PPARG: variants seen among roughly 807,000 people sequenced by gnomAD.
The protein encoded by PPARG is peroxisome proliferator activated receptor gamma.
PPARG carries 17 observed loss-of-function variants against 39.2 expected under a neutral mutation model. That is an observed-to-expected ratio of 0.43 (90% CI 0.30 to 0.65). PPARG has a LOEUF of 0.65. PPARG is among the 30% of genes least tolerant of loss of function. The pLI, the probability that PPARG is intolerant of heterozygous loss-of-function variation, is 0.13. For missense variants in PPARG, 406 were observed against 585.9 expected (o/e 0.69, Z 3.17); for synonymous variants, 223 against 215.7 (o/e 1.03, Z -0.30).
chr3:12,290,036 C>T (rs1158098231), intron 1 of PPARG, among the ~76,000 whole-genome samples: 1 of 152,070 alleles, frequency 6.6e-6, no homozygotes, highest in Non-Finnish European at 1.5e-5. Flanking sequence ...TTCTTGTGTA[C>T]TTCACATAAT....
At chr3:12,299,652 A>C (rs1471339256) in intron 1 of PPARG, among the ~76,000 whole-genome samples, 1 of 152,188 alleles carries the variant, frequency 6.6e-6, no homozygotes, top group African/African-American at 2.4e-5. Flanking sequence ...TTATTTTTAT[A>C]ATGTTTTCAC....
At chr3:12,417,492 G>T (rs1263511817) in intron 7 of PPARG, among the ~76,000 whole-genome samples, 2 of 151,816 alleles carry the variant, frequency 1.3e-5, no homozygotes, top group African/African-American at 4.8e-5. Context: ...TCTAATCTTT[G>T]GTTCCTGTAA....
At position 12,434,097 on chromosome 3, in the gene PPARG, C is replaced by T. The variant is rs1448331661; in HGVS notation, c.1380C>T (p.Asp460=). ...LLQVIKKTET[D]MSLHPLLQEI... ...AGGTGATCAAGAAGACGGAGACAGA[C>T]ATGAGTCTTCACCCGCTCCTGCAGG... Residue 460 remains aspartate (D), a synonymous_variant, in exon 8 of 8, where the codon GAC becomes GAT. Coordinates refer to ENST00000651735, the MANE Select transcript of PPARG (RefSeq NM_138711.6). The surrounding 1 kb of genome is among the most constrained non-coding windows in gnomAD (Gnocchi z 4.2). 1 of 1,614,058 alleles carries T rather than the reference C, an allele frequency of 6.2e-7. No individual in the cohort carries two copies. The highest frequency in any genetic ancestry group is 8.5e-7 in the Non-Finnish European group (1 of 1,180,036).
intron 7 of PPARG, among the ~76,000 whole-genome samples, chr3:12,428,515 C>T (rs980886455): frequency 1.3e-5 from 2 of 152,238 alleles, no homozygotes; most frequent in Non-Finnish European, 2.9e-5. Flanking sequence ...AGGTGGGCCT[C>T]CTGGCAACAG....
intron 5 of PPARG, among the ~76,000 whole-genome samples, chr3:12,401,345 T>C (rs1368803277): frequency 6.6e-6 from 1 of 152,194 alleles, no homozygotes; most frequent in African/African-American, 2.4e-5. Flanking sequence ...TTTCAGATTC[T>C]GTTCTTTCTC....
At chr3:12,318,525 A>G (rs2047449421) in intron 2 of PPARG, among the ~76,000 whole-genome samples, 1 of 152,244 alleles carries the variant, frequency 6.6e-6, no homozygotes, top group Non-Finnish European at 1.5e-5. Flanking sequence ...AAGAATAAAG[A>G]TACAATAAGA....
At position 12,392,893 on chromosome 3, in the gene PPARG, T is replaced by A. The variant is rs976091792; in HGVS notation, c.529+141T>A. On this transcript the variant is annotated intron_variant, in intron 5 of 7. Coordinates refer to ENST00000651735, the MANE Select transcript of PPARG (RefSeq NM_138711.6). Reference sequence around the variant, plus strand: ...AGAATATTGCATGGCGATAAAACATTTCTCTTTTAGGTCAGTGTTTTTAAA... The same window carrying A: ...AGAATATTGCATGGCGATAAAACATATCTCTTTTAGGTCAGTGTTTTTAAA... 3.5e-5 allele frequency: 39 copies of A among 1,116,858 alleles called. No homozygotes were observed. In the Admixed American group the frequency reaches 8.0e-4, roughly 23 times the overall value. The allele number at this position is 1,116,858 out of a possible 1,614,324, so 69.2% of individuals were successfully genotyped here.
intron 1 of PPARG, among the ~76,000 whole-genome samples, chr3:12,306,476 G>A (rs2047066308): frequency 6.6e-6 from 1 of 152,088 alleles, no homozygotes; most frequent in Non-Finnish European, 1.5e-5. Flanking sequence ...ATAAAAACTA[G>A]GATTTGAACC....
intron 6 of PPARG, among the ~76,000 whole-genome samples, chr3:12,415,872 C>A (rs969787508): frequency 7.2e-5 from 11 of 151,898 alleles, no homozygotes; most frequent in African/African-American, 2.7e-4. Flanking sequence ...GAGAGGATTT[C>A]ATCTAAAACG....
intron 5 of PPARG, among the ~76,000 whole-genome samples, chr3:12,405,039 C>T (rs2050611032): frequency 6.6e-6 from 1 of 152,254 alleles, no homozygotes; most frequent in African/African-American, 2.4e-5. Flanking sequence ...TTATGGGAAA[C>T]ATAGAACCCA....
intron 2 of PPARG, among the ~76,000 whole-genome samples, chr3:12,339,480 A>G (rs1371833630): frequency 2.6e-5 from 4 of 152,246 alleles, no homozygotes; most frequent in Non-Finnish European, 5.9e-5. Context: ...TGCATCAATA[A>G]CGCTGTTTTA....
intron 1 of PPARG, among the ~76,000 whole-genome samples, chr3:12,293,734 G>A (rs981849335): frequency 2.0e-5 from 3 of 152,130 alleles, no homozygotes; most frequent in Non-Finnish European, 4.4e-5. Flanking sequence ...GATAATTTGG[G>A]CAAGGGAATG....
chr3:12,289,186 C>A (rs1017088149), intron 1 of PPARG, 52 bp downstream of exon 1: 2 of 152,068 alleles, frequency 1.3e-5, no homozygotes, highest in African/African-American at 4.8e-5. Flanking sequence ...GGTGATAGGT[C>A]CGAAATTTGC....
intron 1 of PPARG, among the ~76,000 whole-genome samples, chr3:12,304,070 TCAGA>T (rs1235284443): frequency 1.3e-5 from 2 of 152,272 alleles, no homozygotes; most frequent in African/African-American, 4.8e-5. Flanking sequence ...TAATGCCTTC[TCAGA>T]CATTCACTTA....
intron 2 of PPARG, among the ~76,000 whole-genome samples, chr3:12,348,570 T>A (rs2048392014): frequency 6.6e-6 from 1 of 152,228 alleles, no homozygotes; most frequent in Admixed American, 6.5e-5. Context: ...GGTGGTGTAC[T>A]CAAAGTCACA....
chr3:12,321,852 A>G (rs2047555677), intron 2 of PPARG, among the ~76,000 whole-genome samples: 1 of 152,246 alleles, frequency 6.6e-6, no homozygotes, highest in Admixed American at 6.5e-5. Context: ...TCTTGAGAAC[A>G]GAGACCATGT....
chr3:12,323,809 G>T (rs13083375), intron 2 of PPARG, among the ~76,000 whole-genome samples: 13,424 of 152,014 alleles, frequency 0.088, 758 homozygotes, highest in Non-Finnish European at 0.12. Flanking sequence ...GAAGATCATT[G>T]TTTAAGATTA....
At chr3:12,406,554 T>TTTTTTTTTTTTTTTC (rs2050678800) in intron 6 of PPARG, 1 of 149,954 alleles carries the variant, frequency 6.7e-6, no homozygotes, top group Non-Finnish European at 1.3e-5. Flanking sequence ...TTTTTTTTTT[T>TTTTTTTTTTTTTTTC]TTTGAGATGT....
intron 2 of PPARG, among the ~76,000 whole-genome samples, chr3:12,349,838 G>T (rs1194259270): frequency 6.6e-6 from 1 of 152,192 alleles, no homozygotes; most frequent in Non-Finnish European, 1.5e-5. Context: ...TTATGTTTCA[G>T]AAGCTAAAGC....
Sources: gnomAD v4.1 joint callset for allele counts (sites outside exome capture counted in the v4.1 genomes callset) on GRCh38, gnomAD v4.1.1 for gene constraint, Gnocchi (gnomAD v3.1) non-coding constraint, MANE v1.5 for transcripts, NCBI Gene and HGNC (gene_info 2026-07-23, HGNC 2026-07-21) for gene names.